Variants in DDX10 observed in about 807,000 individuals in gnomAD.
DDX10 encodes probable ATP-dependent RNA helicase DDX10.
In DDX10, 74 loss-of-function variants were observed where a neutral mutation model predicts 104.3. That is an observed-to-expected ratio of 0.71 (90% confidence interval 0.59 to 0.86). The LOEUF is 0.86. Among genes scored for constraint, DDX10 ranks in the 40% least tolerant of loss-of-function variants. The pLI is 0.00. For missense variants in DDX10, 952 were observed against 1,040.0 expected (o/e 0.92, Z 1.16); for synonymous variants, 351 against 353.4 (o/e 0.99, Z 0.08).
At chr11:108,788,483 C>T (rs1231654955) in intron 13 of DDX10, among the ~76,000 whole-genome samples, 1 of 152,132 alleles carries the variant, frequency 6.6e-6, no homozygotes, top group African/African-American at 2.4e-5. Context: ...CTGCCTCAGC[C>T]CCCTGAGAAG....
chr11:108,740,078 C>T (rs772407121), intron 13 of DDX10, among the ~76,000 whole-genome samples: 30 of 147,974 alleles, frequency 2.0e-4, no homozygotes, highest in Non-Finnish European at 3.7e-4. Context: ...CAGATTATTT[C>T]ATCACCAGGT....
chr11:108,881,563 C>T (rs189317061), intron 16 of DDX10, among the ~76,000 whole-genome samples: 22 of 152,220 alleles, frequency 1.4e-4, no homozygotes, highest in Admixed American at 1.3e-3. Context: ...CAGTAGAAGC[C>T]ATGCTTTGAG....
chr11:108,938,108 G>A (rs1361869512), intron 17 of DDX10, among the ~76,000 whole-genome samples: 1 of 151,946 alleles, frequency 6.6e-6, no homozygotes, highest in Non-Finnish European at 1.5e-5. Context: ...GACCTCTATT[G>A]CATTTTCATT....
At chr11:108,864,780 C>G (rs1862987270) in intron 16 of DDX10, among the ~76,000 whole-genome samples, 1 of 152,092 alleles carries the variant, frequency 6.6e-6, no homozygotes. Flanking sequence ...TTCTTACAAC[C>G]CTGAGGTGCT....
rs376335047 is a variant in DDX10, at chr11:108,689,951, C to T, written c.975+889C>T. Among the ~76,000 whole-genome samples, 207 of 152,148 alleles carry T rather than the reference C, an allele frequency of 1.4e-3. 4 individuals are homozygous for T. Among genetic ancestry groups the T allele is most frequent in the Middle Eastern group, 0.01 (3 of 292 alleles). The stretch of plus-strand genomic sequence containing the variant: ...TGACTTCAGCCTTGGTGCGGTGGCT[C>T]ACGCCTGTAATCCCAGCACTTTAAG... On this transcript the variant is annotated intron_variant, in intron 7 of 17. Coordinates refer to ENST00000322536, the MANE Select transcript of DDX10 (RefSeq NM_004398.4).
At chr11:108,702,299 A>C (rs898098417) in intron 9 of DDX10, among the ~76,000 whole-genome samples, 3 of 152,208 alleles carry the variant, frequency 2.0e-5, no homozygotes, top group Non-Finnish European at 2.9e-5. Flanking sequence ...CACCACTTAG[A>C]AATGTTTTTT....
At chr11:108,933,245 C>T (rs1863995825) in intron 17 of DDX10, among the ~76,000 whole-genome samples, 1 of 151,906 alleles carries the variant, frequency 6.6e-6, no homozygotes, top group African/African-American at 2.4e-5. Flanking sequence ...AGGATTATTA[C>T]TGAAGGCAAG....
In DDX10 at chr11:108,715,896, T is replaced by G. The variant is rs764318682; in HGVS notation, c.1340T>G (p.Leu447Arg). The G allele has an allele frequency of 1.3e-5, 20 of 1,536,074 alleles. No homozygotes were observed. Among genetic ancestry groups the G allele is most frequent in the South Asian group, 3.4e-5 (3 of 87,978 alleles). Residue 447 changes from leucine to arginine, a missense_variant, in exon 11 of 18, where the codon CTT becomes CGT. By Grantham distance (102) the Leu-to-Arg change is moderately radical. Transcript: ENST00000322536. The part of the protein sequence containing the change: ...VKEIKINPEK[L>R]IDVQKKLESI... ...TTACAAAGAATCAATCCAGAAAAAC[T>G]TATAGATGTCCAGAAAAAATTGGAA...
chr11:108,894,892 T>A (rs1863421096), intron 16 of DDX10, among the ~76,000 whole-genome samples: 1 of 152,020 alleles, frequency 6.6e-6, no homozygotes, highest in Admixed American at 6.6e-5. Flanking sequence ...TTATAAGTGA[T>A]TGCTTTTTTC....
intron 16 of DDX10, among the ~76,000 whole-genome samples, chr11:108,866,195 T>G (rs897978856): frequency 6.6e-6 from 1 of 152,032 alleles, no homozygotes; most frequent in African/African-American, 2.4e-5. Flanking sequence ...TCACAAATCC[T>G]GGGGAACAGC....
chr11:108,918,352 A>G (rs576002825), intron 17 of DDX10: 120 of 322,870 alleles, frequency 3.7e-4, no homozygotes, highest in South Asian at 3.0e-3. Context: ...GATGCACTAA[A>G]ATCTGTTCTC....
At chr11:108,669,461 G>T (rs2094214228) in intron 1 of DDX10, among the ~76,000 whole-genome samples, 1 of 152,170 alleles carries the variant, frequency 6.6e-6, no homozygotes, top group Non-Finnish European at 1.5e-5. Context: ...TAGGTGGAGG[G>T]AACATGGGGA....
chr11:108,704,329 T>G (rs913306209), intron 9 of DDX10, among the ~76,000 whole-genome samples: 1 of 152,198 alleles, frequency 6.6e-6, no homozygotes, highest in Non-Finnish European at 1.5e-5. Context: ...TTAAAAGGAT[T>G]GACTGTTGCC....
chr11:108,818,076 G>A (rs1044089112), intron 13 of DDX10, among the ~76,000 whole-genome samples: 1 of 152,180 alleles, frequency 6.6e-6, no homozygotes, highest in Non-Finnish European at 1.5e-5. Context: ...CTCAAGGAAA[G>A]CAACTCTGTG....
chr11:108,930,318 T>C (rs1405051665), intron 17 of DDX10, among the ~76,000 whole-genome samples: 1 of 152,238 alleles, frequency 6.6e-6, no homozygotes, highest in Non-Finnish European at 1.5e-5. Context: ...CTATATCTTT[T>C]TGTGGCTTGA....
intron 13 of DDX10, among the ~76,000 whole-genome samples, chr11:108,741,782 G>A (rs1417337568): frequency 9.2e-5 from 14 of 152,062 alleles, no homozygotes; most frequent in Admixed American, 9.2e-4. Flanking sequence ...CTATTTGGGT[G>A]CCTTTTATTC....
intron 9 of DDX10, among the ~76,000 whole-genome samples, chr11:108,694,904 A>T (rs1310997303): frequency 2.6e-5 from 4 of 151,408 alleles, no homozygotes; most frequent in Non-Finnish European, 4.4e-5. Context: ...CAAAACAAAT[A>T]AAAAAAAACC....
chr11:108,773,107 A>G (rs1168663901), intron 13 of DDX10, among the ~76,000 whole-genome samples: 2 of 152,228 alleles, frequency 1.3e-5, no homozygotes, highest in African/African-American at 4.8e-5. Flanking sequence ...TCTCACTGCC[A>G]ACTCAGATAT....
chr11:108,672,548 C>A (rs1437829888), intron 1 of DDX10, among the ~76,000 whole-genome samples: 6 of 152,180 alleles, frequency 3.9e-5, no homozygotes, highest in Non-Finnish European at 7.3e-5. Context: ...TTGGAGGGCA[C>A]AGAGTAAACA....
Sources: gnomAD v4.1 joint callset for allele counts (sites outside exome capture counted in the v4.1 genomes callset) on GRCh38, gnomAD v4.1.1 for gene constraint, MANE v1.5 for transcripts, NCBI Gene and HGNC (gene_info 2026-07-23, HGNC 2026-07-21) for gene names.